The following TMEM272 variants were observed in gnomAD, a reference collection of about 807,000 sequenced individuals.
The protein encoded by TMEM272 is long intergenic non-protein coding RNA 282.
Under a neutral mutation model 3.7 loss-of-function variants are expected in TMEM272, and 8 were observed. That is an observed-to-expected ratio of 2.17 (90% CI 1.27 to 3.91). The LOEUF (loss-of-function observed/expected upper bound fraction) is 3.91. Among genes scored for constraint, TMEM272 ranks in the 30% most tolerant of loss-of-function variants. The pLI is 0.00. For missense variants in TMEM272, 166 were observed against 91.5 expected (o/e 1.81, Z -3.32); for synonymous variants, 63 against 39.8 (o/e 1.58, Z -2.20).
In TMEM272 at chr13:51,816,491, C is replaced by T. The variant is rs1381917595; in HGVS notation, c.*260G>A. 1.5e-5 allele frequency: 6 copies of T among 392,486 alleles called. No homozygotes were observed. The highest frequency in any genetic ancestry group is 2.3e-5 in the Non-Finnish European group (5 of 216,304). The allele number at this position is 392,486 out of a possible 1,614,324, so 24.3% of individuals were successfully genotyped here. On this transcript the variant is annotated 3_prime_UTR_variant, in exon 5 of 5. Transcript: ENST00000629372. ...TCAAAAACAATTATCCCTTTGAAAA[C>T]TCTTGTGAGAACAAAATTCCCACTC...
chr13:51,830,505 T>G (rs1358417080), intron 2 of TMEM272, among the ~76,000 whole-genome samples: 1 of 152,218 alleles, frequency 6.6e-6, no homozygotes, highest in Non-Finnish European at 1.5e-5. Flanking sequence ...TTACAAGACT[T>G]TCCTAACAGA....
chr13:51,848,515 T>C (rs1424554752), upstream of TMEM272, among the ~76,000 whole-genome samples: 1 of 152,208 alleles, frequency 6.6e-6, no homozygotes, highest in African/African-American at 2.4e-5. Context: ...AGTTCATTCA[T>C]TCATTGAATG....
At chr13:51,874,962 A>G in the TMEM272 span, among the ~76,000 whole-genome samples, 1 of 152,144 alleles carries the variant, frequency 6.6e-6, no homozygotes, top group Non-Finnish European at 1.5e-5. Context: ...TGAGCTGCAC[A>G]TTTGCAGAAC....
the TMEM272 span, among the ~76,000 whole-genome samples, chr13:51,905,951 C>T: frequency 1.3e-5 from 2 of 152,208 alleles, no homozygotes; most frequent in Non-Finnish European, 2.9e-5. Context: ...AGACGCAGAA[C>T]AAATGACTCA....
At chr13:51,886,985 T>C in the TMEM272 span, among the ~76,000 whole-genome samples, 1 of 152,188 alleles carries the variant, frequency 6.6e-6, no homozygotes, top group Non-Finnish European at 1.5e-5. Context: ...AACTGTTATA[T>C]CAGAAATTCT....
the TMEM272 span, among the ~76,000 whole-genome samples, chr13:51,855,777 G>A: frequency 6.6e-6 from 1 of 152,086 alleles, no homozygotes; most frequent in Non-Finnish European, 1.5e-5. Context: ...GTTAATATAA[G>A]GAACCCAGTG....
At position 51,814,210 on chromosome 13, in the gene TMEM272, T is replaced by C. The variant is rs1435522228; in HGVS notation, c.*2541A>G. 6.6e-6 allele frequency: 1 copy of C among 152,262 alleles called. No homozygotes were observed. Among genetic ancestry groups the C allele is most frequent in the African/African-American group, 2.4e-5 (1 of 41,466 alleles). The allele number at this position is 152,262 out of a possible 1,614,324, so 9.4% of individuals were successfully genotyped here. ...CCCTTCCTAGACAGTCTGGGTGTCA[T>C]CCCTGGATTAAGCCAGACTTCAAAG... On this transcript the variant is annotated 3_prime_UTR_variant, in exon 5 of 5. Coordinates refer to ENST00000629372, the MANE Select transcript of TMEM272 (RefSeq NM_001351003.2).
rs553229477 is a variant in TMEM272, at chr13:51,824,562, G to A, written c.118+2004C>T. Among the ~76,000 whole-genome samples, 4 of 152,278 alleles carry A rather than the reference G, an allele frequency of 2.6e-5. No individual in the cohort carries two copies. In the East Asian group the frequency reaches 7.7e-4, roughly 29 times the overall value. On this transcript the variant is annotated intron_variant, in intron 3 of 4. Coordinates refer to ENST00000629372, the MANE Select transcript of TMEM272 (RefSeq NM_001351003.2). ...AAAACCCTCTTTCCGCAGTGGATGT[G>A]GTGATTTTAATATAATATCCATGGG... is the stretch of plus-strand genomic sequence containing the variant.
At chr13:51,929,889 T>C in the TMEM272 span, among the ~76,000 whole-genome samples, 1 of 152,220 alleles carries the variant, frequency 6.6e-6, no homozygotes, top group Non-Finnish European at 1.5e-5. Context: ...CTGGAGGTAT[T>C]TGAGCATTGT....
chr13:51,865,453 C>T, the TMEM272 span: 1 of 1,614,090 alleles, frequency 6.2e-7, no homozygotes, highest in Non-Finnish European at 8.5e-7. Flanking sequence ...GGCTTGCCTG[C>T]TTCCGGTCCC....
At chr13:51,863,462 T>C in the TMEM272 span, among the ~76,000 whole-genome samples, 2 of 151,964 alleles carry the variant, frequency 1.3e-5, no homozygotes, top group Non-Finnish European at 2.9e-5. Flanking sequence ...CTGGCTGTCA[T>C]GGGGGAGATG....
chr13:51,894,176 G>A, the TMEM272 span, among the ~76,000 whole-genome samples: 1 of 152,202 alleles, frequency 6.6e-6, no homozygotes, highest in African/African-American at 2.4e-5. Flanking sequence ...AGGAGGGAGT[G>A]GGATGTATTG....
chr13:51,919,727 C>T, the TMEM272 span, among the ~76,000 whole-genome samples: 467 of 152,334 alleles, frequency 3.1e-3, 1 homozygote, highest in African/African-American at 0.011. Context: ...CCCGAGCAAA[C>T]GGTGCCATGG....
chr13:51,822,673 A>G (rs567148507), intron 3 of TMEM272, among the ~76,000 whole-genome samples: 3 of 152,294 alleles, frequency 2.0e-5, no homozygotes, highest in African/African-American at 7.2e-5. Flanking sequence ...CACAGTCACC[A>G]TATGATAACC....
chr13:51,926,629 G>A, the TMEM272 span, among the ~76,000 whole-genome samples: 2 of 123,730 alleles, frequency 1.6e-5, no homozygotes, highest in Non-Finnish European at 1.7e-5. Flanking sequence ...GGTGGGGCGG[G>A]TTTGTGGGTG....
chr13:51,927,245 C>A, the TMEM272 span, among the ~76,000 whole-genome samples: 1 of 152,306 alleles, frequency 6.6e-6, no homozygotes, highest in East Asian at 1.9e-4. Flanking sequence ...GATCCCCTCA[C>A]TGCTCCCCAC....
At chr13:51,882,544 A>G in the TMEM272 span, among the ~76,000 whole-genome samples, 1 of 152,114 alleles carries the variant, frequency 6.6e-6, no homozygotes, top group Non-Finnish European at 1.5e-5. Flanking sequence ...CTTCAAATGA[A>G]CCAACAGTTA....
chr13:51,851,450 C>A, the TMEM272 span, among the ~76,000 whole-genome samples: 1 of 14,116 alleles, frequency 7.1e-5, no homozygotes, highest in South Asian at 1.5e-3. Flanking sequence ...CATTTGTAGT[C>A]ATTTTTTTTT....
Position 51,815,367 on chromosome 13 carries a change from C to T in TMEM272, c.*1384G>A, listed in dbSNP as rs545162243. ...ACTAACGGTGACTGCCCGGGGAGTG[C>T]TTCTAAACTGAAATGGGAAGACCCC... On this transcript the variant is annotated 3_prime_UTR_variant, in exon 5 of 5. Transcript: ENST00000629372. 6.5e-5 allele frequency: 10 copies of T among 152,744 alleles called. No homozygotes were observed. The highest frequency in any genetic ancestry group is 2.4e-4 in the African/African-American group (10 of 41,552). The allele number at this position is 152,744 out of a possible 1,614,324, so 9.5% of individuals were successfully genotyped here.
Sources: gnomAD v4.1 joint callset for allele counts (sites outside exome capture counted in the v4.1 genomes callset) on GRCh38, gnomAD v4.1.1 for gene constraint, MANE v1.5 for transcripts, NCBI Gene and HGNC (gene_info 2026-07-23, HGNC 2026-07-21) for gene names.